GLI3: variants seen among roughly 807,000 people sequenced by gnomAD.
GLI3 encodes the protein transcription activator GLI3.
In GLI3, 20 loss-of-function variants were observed where a neutral mutation model predicts 100.8. The observed-to-expected ratio is 0.20, with a 90% CI of 0.14 to 0.29. The LOEUF is 0.29. Ranked by LOEUF, GLI3 falls within the 10% of genes least tolerant of loss-of-function variation. GLI3 has a pLI of 1.00. For missense variants in GLI3, 2,040 were observed against 2,128.5 expected, an observed-to-expected ratio of 0.96 and a Z score of 0.82; for synonymous variants, 938 against 860.5, an observed-to-expected ratio of 1.09 and a Z score of -1.58.
intron 3 of GLI3, among the ~76,000 whole-genome samples, chr7:42,137,498 T>A (rs1786458361): frequency 6.6e-6 from 1 of 152,040 alleles, no homozygotes; most frequent in Non-Finnish European, 1.5e-5. Context: ...CTCCCTCAGA[T>A]CTCCCAGGGC....
intron 3 of GLI3, among the ~76,000 whole-genome samples, chr7:42,113,010 T>C (rs1785752645): frequency 6.6e-6 from 1 of 152,018 alleles, no homozygotes; most frequent in Admixed American, 6.6e-5. Context: ...CTGTCTCTAC[T>C]AAAAATACAA....
chr7:42,248,410 A>T (rs887716508), intron 1 of GLI3, among the ~76,000 whole-genome samples: 5 of 152,370 alleles, frequency 3.3e-5, no homozygotes, highest in Admixed American at 1.3e-4. Flanking sequence ...TTAACATTTT[A>T]AAATTATGTT....
At chr7:42,225,949 C>T (rs561923686) in intron 1 of GLI3, among the ~76,000 whole-genome samples, 3 of 152,314 alleles carry the variant, frequency 2.0e-5, no homozygotes, top group Admixed American at 1.3e-4. Flanking sequence ...CATAAATGAT[C>T]GCATCAATGA....
At position 42,011,780 on chromosome 7, in the gene GLI3, C is replaced by T. The variant is rs1012147896; in HGVS notation, c.1497+11688G>A. On this transcript the variant is annotated intron_variant, in intron 10 of 14. Transcript: ENST00000395925. ...GCGGGGAGGGGGAATGGGAGGTAACCGCTTCATGCATACAGAGCTGCCTTG... is the reference window on the plus strand; with the variant it reads ...GCGGGGAGGGGGAATGGGAGGTAACTGCTTCATGCATACAGAGCTGCCTTG... Among the ~76,000 whole-genome samples, 20 of 152,098 alleles carry T rather than the reference C, an allele frequency of 1.3e-4. 1 individual carries two copies. The highest frequency in any genetic ancestry group is 6.4e-3 in the Middle Eastern group (2 of 314).
At chr7:41,989,731 T>C (rs1787930137) in intron 10 of GLI3, among the ~76,000 whole-genome samples, 1 of 152,076 alleles carries the variant, frequency 6.6e-6, no homozygotes, top group Non-Finnish European at 1.5e-5. Flanking sequence ...CAACCTGTTG[T>C]CAAAATAATG....
At chr7:42,112,914 T>C (rs1382686145) in intron 3 of GLI3, among the ~76,000 whole-genome samples, 1 of 152,156 alleles carries the variant, frequency 6.6e-6, no homozygotes, top group African/African-American at 2.4e-5. Context: ...GGCTCACATC[T>C]GTAATCCCAT....
chr7:42,262,647 T>G (rs1234700382), intron 1 of GLI3, among the ~76,000 whole-genome samples: 1 of 152,214 alleles, frequency 6.6e-6, no homozygotes, highest in Non-Finnish European at 1.5e-5. Flanking sequence ...AGAGTTACTT[T>G]ATGGCTCTAT....
At chr7:42,063,036 A>C (rs1583523176) in intron 4 of GLI3, among the ~76,000 whole-genome samples, 1 of 152,288 alleles carries the variant, frequency 6.6e-6, no homozygotes, top group South Asian at 2.1e-4. Context: ...TGTGCTATGC[A>C]TCTGCACAAA....
upstream of GLI3, among the ~76,000 whole-genome samples, chr7:42,264,254 C>T (rs1322998778): frequency 6.6e-6 from 1 of 152,184 alleles, no homozygotes; most frequent in Non-Finnish European, 1.5e-5. Context: ...GGGCTCAAAC[C>T]CTGAGAACAC....
At chr7:42,088,451 G>A (rs1216592144) in intron 3 of GLI3, among the ~76,000 whole-genome samples, 2 of 152,128 alleles carry the variant, frequency 1.3e-5, no homozygotes, top group Admixed American at 1.3e-4. Flanking sequence ...TTGATTCTTA[G>A]CTTAATTCCA....
chr7:42,199,919 G>A (rs948935910), intron 2 of GLI3, among the ~76,000 whole-genome samples: 1 of 152,106 alleles, frequency 6.6e-6, no homozygotes, highest in Non-Finnish European at 1.5e-5. Context: ...AGCCAGGCAT[G>A]GTGGTGGGCA....
chr7:42,217,554 A>C (rs1184372882), intron 2 of GLI3, among the ~76,000 whole-genome samples: 1 of 152,284 alleles, frequency 6.6e-6, no homozygotes, highest in African/African-American at 2.4e-5. Flanking sequence ...GCATATAATC[A>C]GTACAACACT....
At chr7:41,984,322 G>A (rs1787753939) in intron 10 of GLI3, among the ~76,000 whole-genome samples, 1 of 152,166 alleles carries the variant, frequency 6.6e-6, no homozygotes, top group South Asian at 2.1e-4. Flanking sequence ...GACACATGCA[G>A]TCCATGGCTC....
chr7:42,157,762 T>C (rs1315561901), intron 2 of GLI3, among the ~76,000 whole-genome samples: 1 of 152,218 alleles, frequency 6.6e-6, no homozygotes, highest in Admixed American at 6.5e-5. Context: ...TCTAAAGAAG[T>C]TCAAATTAAG....
In GLI3 at chr7:42,178,812, G is replaced by T. The variant is rs552895118; in HGVS notation, c.125-30344C>A. Among the ~76,000 whole-genome samples, 10 of 152,294 alleles carry T rather than the reference G, an allele frequency of 6.6e-5. No individual in the cohort carries two copies. In the South Asian group the frequency reaches 1.0e-3, roughly 16 times the overall value. ...GTTCAGTGGGACCAGGCAACCGGGG[G>T]TAGGCAGGAGGCAGGCAGGCAGACA... On this transcript the variant is annotated intron_variant, in intron 2 of 14. Coordinates refer to ENST00000395925, the MANE Select transcript of GLI3 (RefSeq NM_000168.6).
intron 10 of GLI3, among the ~76,000 whole-genome samples, chr7:41,986,865 G>A (rs116947627): frequency 7.6e-3 from 324 of 42,700 alleles, no homozygotes; most frequent in Non-Finnish European, 0.013. Context: ...CCCACCCCAC[G>A]CCTCCAAAGA....
chr7:41,964,495 A>C lies in GLI3; in HGVS notation c.4578T>G (p.Ser1526Arg), dbSNP rs898743387. The C allele has an allele frequency of 1.5e-5, 24 of 1,614,180 alleles. No homozygotes were observed. The highest frequency in any genetic ancestry group is 2.0e-5 in the Non-Finnish European group (24 of 1,180,010). The change falls in exon 15 of 15, where the codon AGT (serine) becomes AGG (arginine). Residue 1526 changes from serine (S) to arginine (R), a missense_variant. Ser to Arg is a moderately radical substitution (Grantham distance 110). This residue lies in a region of GLI3 where 1,041 missense variants were observed against 924.0 expected (regional missense o/e 1.13). Transcript: ENST00000395925. The part of the protein sequence containing the change: ...SSLMSGALSP[S>R]IIQNLSHSSS... Reference sequence around the variant, plus strand: ...AGCTATGGGAAAGGTTCTGAATGATACTTGGGCTCAGGGCCCCCGACATCA... The same window carrying C: ...AGCTATGGGAAAGGTTCTGAATGATCCTTGGGCTCAGGGCCCCCGACATCA...
chr7:42,162,672 C>A (rs1351141155), intron 2 of GLI3, among the ~76,000 whole-genome samples: 1 of 152,178 alleles, frequency 6.6e-6, no homozygotes, highest in Admixed American at 6.5e-5. Context: ...TTCCTCTTAT[C>A]TACTCTACTG....
intron 1 of GLI3, among the ~76,000 whole-genome samples, chr7:42,254,111 C>T (rs1789061341): frequency 6.7e-6 from 1 of 150,282 alleles, no homozygotes; most frequent in Non-Finnish European, 1.5e-5. Context: ...CCCAACTACT[C>T]AGGAGGTTGA....
Sources: allele counts gnomAD v4.1 joint callset (sites outside exome capture counted in the v4.1 genomes callset), GRCh38; gene constraint gnomAD v4.1.1; regional missense constraint gnomAD v4.1.1; transcripts MANE v1.5; gene names NCBI Gene and HGNC (gene_info 2026-07-23, HGNC 2026-07-21).